USP32: variants seen among roughly 807,000 people sequenced by gnomAD.
The protein encoded by USP32 is ubiquitin carboxyl-terminal hydrolase 32.
Under a neutral mutation model 204.8 loss-of-function variants are expected in USP32, and 59 were observed. The ratio of observed to expected loss-of-function variants is 0.29; its 90% CI spans 0.23 to 0.36. The LOEUF is 0.36. Among genes scored for constraint, USP32 ranks in the 10% least tolerant of loss-of-function variants. The pLI, the probability that USP32 is intolerant of heterozygous loss-of-function variation, is 1.00. For synonymous variants in USP32, 517 were observed against 678.4 expected (o/e 0.76, Z 3.70); for missense variants, 1,160 against 1,946.4 (o/e 0.60, Z 7.60).
chr17:60,227,031 C>G (rs967726889), intron 12 of USP32, among the ~76,000 whole-genome samples: 6 of 113,036 alleles, frequency 5.3e-5, no homozygotes, highest in East Asian at 2.4e-4. Flanking sequence ...GAGTGAGACT[C>G]TGTCTCAAAA....
chr17:60,210,985 T>C (rs1219192623), intron 21 of USP32, 28 bp downstream of exon 21: 2 of 1,568,130 alleles, frequency 1.3e-6, no homozygotes, highest in Admixed American at 3.9e-5. Context: ...AGGAATTAAA[T>C]ACTTTTATAT....
chr17:60,371,338 G>A (rs1288732728), intron 1 of USP32, among the ~76,000 whole-genome samples: 2 of 151,774 alleles, frequency 1.3e-5, no homozygotes, highest in Non-Finnish European at 2.9e-5. Flanking sequence ...AGGCCAAGGC[G>A]GGTGGATCAC....
intron 9 of USP32, 57 bp downstream of exon 9, chr17:60,265,355 C>A: frequency 8.1e-7 from 1 of 1,232,138 alleles, no homozygotes; most frequent in Non-Finnish European, 1.2e-6. Context: ...GCGATACATC[C>A]CAAATGGAGT....
At chr17:60,243,872 T>C (rs982601126) in intron 11 of USP32, among the ~76,000 whole-genome samples, 1 of 152,158 alleles carries the variant, frequency 6.6e-6, no homozygotes, top group African/African-American at 2.4e-5. Flanking sequence ...AATGTCTCTC[T>C]GGCTCCAGTA....
At chr17:60,223,346 CTGAAA>C in intron 14 of USP32, 60 bp downstream of exon 14, 3 of 1,455,700 alleles carry the variant, frequency 2.1e-6, no homozygotes, top group Non-Finnish European at 2.8e-6. Context: ...GCTAAAACCT[CTGAAA>C]TGAAATTTAT....
chr17:60,380,395 C>T (rs2089626066), intron 1 of USP32, among the ~76,000 whole-genome samples: 6 of 152,022 alleles, frequency 3.9e-5, no homozygotes, highest in South Asian at 2.1e-4. Context: ...AGCAAAACCC[C>T]GTCTCTACAA....
At chr17:60,224,416 C>A (rs950547225) in intron 13 of USP32, among the ~76,000 whole-genome samples, 4 of 152,168 alleles carry the variant, frequency 2.6e-5, no homozygotes, top group Admixed American at 6.6e-5. Context: ...CTACAAGGAG[C>A]TTTGTGAAGA....
At chr17:60,296,285 T>C (rs1480771968) in intron 3 of USP32, among the ~76,000 whole-genome samples, 1 of 152,184 alleles carries the variant, frequency 6.6e-6, no homozygotes, top group African/African-American at 2.4e-5. Flanking sequence ...TGTGAGATTA[T>C]CTGGAAACAG....
At chr17:60,381,015 TA>T (rs1268590687) in intron 1 of USP32, among the ~76,000 whole-genome samples, 1 of 152,230 alleles carries the variant, frequency 6.6e-6, no homozygotes, top group Non-Finnish European at 1.5e-5. Flanking sequence ...AATATTTGCA[TA>T]AATGTCATGA....
intron 1 of USP32, among the ~76,000 whole-genome samples, chr17:60,401,219 G>C: frequency 6.6e-6 from 1 of 151,642 alleles, no homozygotes; most frequent in East Asian, 1.9e-4. Context: ...ACTTTGGGGG[G>C]CCAAGGTGGG....
intron 18 of USP32, among the ~76,000 whole-genome samples, chr17:60,213,188 T>C (rs1023072190): frequency 6.6e-6 from 1 of 152,214 alleles, no homozygotes; most frequent in Non-Finnish European, 1.5e-5. Context: ...TGTCAGTGAG[T>C]AGCCAATGTT....
chr17:60,212,343 C>T (rs374828929), intron 18 of USP32, among the ~76,000 whole-genome samples: 5 of 152,274 alleles, frequency 3.3e-5, no homozygotes, highest in South Asian at 2.1e-4. Context: ...TATAGGCTGT[C>T]GCTCCTTGGC....
At chr17:60,215,215 A>G (rs2085070746) in intron 16 of USP32, among the ~76,000 whole-genome samples, 2 of 152,138 alleles carry the variant, frequency 1.3e-5, no homozygotes. Context: ...CAAGCGATCC[A>G]CCTGCCTCGG....
upstream of USP32, among the ~76,000 whole-genome samples, chr17:60,394,712 G>A (rs2089887927): frequency 6.6e-6 from 1 of 152,074 alleles, no homozygotes; most frequent in Non-Finnish European, 1.5e-5. Context: ...GCATGTTACT[G>A]TACTGAATAC....
intron 5 of USP32, among the ~76,000 whole-genome samples, chr17:60,284,218 T>C (rs1567826533): frequency 1.3e-5 from 2 of 149,476 alleles, no homozygotes; most frequent in South Asian, 2.1e-4. Context: ...TCTTTTCTTT[T>C]TTTTTTTTTT....
chr17:60,203,423 A>T (rs1403262950), intron 26 of USP32, among the ~76,000 whole-genome samples: 2 of 146,516 alleles, frequency 1.4e-5, no homozygotes, highest in Admixed American at 1.4e-4. Context: ...AAAAAAAAAG[A>T]ATATATTTCT....
intron 1 of USP32, among the ~76,000 whole-genome samples, chr17:60,401,411 G>A (rs1383578698): frequency 6.6e-6 from 1 of 152,084 alleles, no homozygotes; most frequent in African/African-American, 2.4e-5. Context: ...AGCAGTTGAC[G>A]AATGCTTTCA....
intron 11 of USP32, among the ~76,000 whole-genome samples, chr17:60,246,026 G>A (rs756270591): frequency 2.0e-5 from 3 of 151,384 alleles, no homozygotes; most frequent in Non-Finnish European, 4.4e-5. Flanking sequence ...TTTTTGGGTT[G>A]GGAATATTCC....
At chr17:60,383,093 A>G (rs1450114928) in intron 1 of USP32, among the ~76,000 whole-genome samples, 1 of 152,066 alleles carries the variant, frequency 6.6e-6, no homozygotes, top group Non-Finnish European at 1.5e-5. Flanking sequence ...TAAAAATACA[A>G]AAATTAGCTG....
Sources: gnomAD v4.1 joint callset for allele counts (sites outside exome capture counted in the v4.1 genomes callset) on GRCh38, gnomAD v4.1.1 for gene constraint, MANE v1.5 for transcripts, NCBI Gene and HGNC (gene_info 2026-07-23, HGNC 2026-07-21) for gene names.